WDFY3: variants seen among roughly 807,000 people sequenced by gnomAD.
The protein encoded by WDFY3 is WD repeat and FYVE domain-containing protein 3.
A neutral mutation model predicts 409.6 loss-of-function variants in WDFY3; 66 were observed. The ratio of observed to expected loss-of-function variants is 0.16; its 90% CI spans 0.13 to 0.20. The LOEUF (loss-of-function observed/expected upper bound fraction) is 0.20, where lower values mean the gene tolerates loss of function less well. Among genes scored for constraint, WDFY3 ranks in the 10% least tolerant of loss-of-function variants. WDFY3 has a pLI of 1.00. For missense variants in WDFY3, 3,031 were observed against 4,298.1 expected (o/e 0.71, Z 8.24); for synonymous variants, 1,521 against 1,537.1 (o/e 0.99, Z 0.25).
At chr4:84,738,939 T>A in intron 40 of WDFY3, 71 bp downstream of exon 40, 1 of 1,525,948 alleles carries the variant, frequency 6.6e-7, no homozygotes, top group African/African-American at 1.4e-5. Context: ...GAAGCCAATT[T>A]GTTGGTTATG....
At chr4:84,849,195 T>C (rs1430668355) in intron 5 of WDFY3, among the ~76,000 whole-genome samples, 1 of 152,034 alleles carries the variant, frequency 6.6e-6, no homozygotes, top group African/African-American at 2.4e-5. Flanking sequence ...TGAATAGTGA[T>C]GTTAAAATGG....
chr4:84,964,323 G>A (rs1250216302), intron 1 of WDFY3, among the ~76,000 whole-genome samples: 2 of 152,126 alleles, frequency 1.3e-5, no homozygotes, highest in East Asian at 3.9e-4. Flanking sequence ...AGAAAAATTA[G>A]ACAGGCATGG....
rs745763396 is a variant in WDFY3, at chr4:84,810,251, T to C, written c.1981A>G (p.Met661Val). 1.9e-6 allele frequency: 3 copies of C among 1,614,066 alleles called. No individual in the cohort carries two copies. The highest frequency in any genetic ancestry group is 2.5e-6 in the Non-Finnish European group (3 of 1,179,982). Reference sequence around the variant, plus strand: ...GGTGGACAGCTCAAAGATCTTTCCATAGCAACGAGCAAGGATGTAATGTAC... The same window carrying C: ...GGTGGACAGCTCAAAGATCTTTCCACAGCAACGAGCAAGGATGTAATGTAC... ...FVYITSLLVA[M>V]ERSLSCPPKN... Residue 661 changes from methionine to valine, a missense_variant, in exon 14 of 68, where the codon ATG becomes GTG. Physicochemically the swap from Met to Val is conservative, Grantham distance 21. Around this residue, in one of 16 missense-constraint regions of WDFY3, gnomAD observed 1,322 missense variants for 1,697.9 expected, o/e 0.78. Transcript: ENST00000295888.
chr4:84,835,947 T>C (rs1421765676), intron 7 of WDFY3, among the ~76,000 whole-genome samples: 1 of 152,196 alleles, frequency 6.6e-6, no homozygotes, highest in Non-Finnish European at 1.5e-5. Context: ...ATTTTACAGG[T>C]GCGAAATCTG....
intron 3 of WDFY3, among the ~76,000 whole-genome samples, chr4:84,890,171 C>A (rs1405604970): frequency 1.3e-5 from 2 of 152,124 alleles, no homozygotes; most frequent in African/African-American, 4.8e-5. Context: ...ACGACCATGG[C>A]TCACTTCATC....
At chr4:84,826,666 C>T (rs1247511144) in intron 10 of WDFY3, 149 bp downstream of exon 10, 2 of 639,024 alleles carry the variant, frequency 3.1e-6, no homozygotes, top group Non-Finnish European at 4.5e-6. Context: ...TTAAGAAATA[C>T]TTAAACCATT....
chr4:84,913,014 G>A (rs1005769646), intron 2 of WDFY3, among the ~76,000 whole-genome samples: 10 of 152,092 alleles, frequency 6.6e-5, no homozygotes, highest in East Asian at 1.9e-4. Flanking sequence ...ATACTTTGTC[G>A]CTGAAGTTAG....
At chr4:84,797,700 C>G (rs1157833184) in intron 18 of WDFY3, among the ~76,000 whole-genome samples, 4 of 151,950 alleles carry the variant, frequency 2.6e-5, no homozygotes, top group African/African-American at 4.8e-5. Context: ...CCTGCCTCAG[C>G]CTCCCGAGTA....
intron 3 of WDFY3, among the ~76,000 whole-genome samples, chr4:84,876,684 T>C (rs1476469665): frequency 1.3e-5 from 2 of 151,760 alleles, no homozygotes; most frequent in African/African-American, 2.4e-5. Flanking sequence ...ATAATAAATG[T>C]TAAAAAAAAA....
Position 84,821,330 on chromosome 4 carries a change from C to G in WDFY3, c.1345G>C (p.Glu449Gln). 6.2e-7 allele frequency: 1 copy of G among 1,613,808 alleles called. No individual in the cohort carries two copies. ...EVQNKYFEML[E>Q]FVVFSLNYIP... ...TAATTTAAGCTAAAAACAACAAACTCCAGCATCTCAAAGTATTTGTTTTGT... is the reference window on the plus strand; with the variant it reads ...TAATTTAAGCTAAAAACAACAAACTGCAGCATCTCAAAGTATTTGTTTTGT... Residue 449 changes from glutamate (E) to glutamine (Q), a missense_variant, in exon 11 of 68, where the codon GAG becomes CAG. Around this residue, in one of 16 missense-constraint regions of WDFY3, gnomAD observed 1,322 missense variants for 1,697.9 expected, o/e 0.78. Coordinates refer to ENST00000295888, the MANE Select transcript of WDFY3 (RefSeq NM_014991.6).
chr4:84,767,624 A>T (rs1031910882), intron 30 of WDFY3, among the ~76,000 whole-genome samples: 3 of 129,424 alleles, frequency 2.3e-5, no homozygotes, highest in Admixed American at 7.3e-5. Flanking sequence ...ACGCAATGAT[A>T]AAAAAAAAAA....
chr4:84,780,573 A>G (rs1746316391), intron 25 of WDFY3, among the ~76,000 whole-genome samples: 1 of 152,096 alleles, frequency 6.6e-6, no homozygotes, highest in South Asian at 2.1e-4. Flanking sequence ...TCTGACCAAC[A>G]TGGTGAAACC....
At chr4:84,784,488 T>A (rs1433617861) in intron 24 of WDFY3, among the ~76,000 whole-genome samples, 2 of 152,106 alleles carry the variant, frequency 1.3e-5, no homozygotes, top group Non-Finnish European at 2.9e-5. Flanking sequence ...CTTAACTCTC[T>A]CACCTTCCAC....
Position 84,679,162 on chromosome 4 carries a change from T to C in WDFY3, c.9904A>G (p.Ser3302Gly). Residue 3302 changes from serine to glycine, a missense_variant, in exon 65 of 68, where the codon AGC becomes GGC. Transcript: ENST00000295888. ...SISQDPKDTP[S>G]QPSSTSHRPR... is the part of the protein sequence containing the mutation. ...CTGTGGCTGGTGCTGCTGGGTTGGC[T>C]TGGAGTGTCCTTAGGGTCCTGGCTG... 6.2e-7 allele frequency: 1 copy of C among 1,613,454 alleles called. No individual in the cohort carries two copies. Among genetic ancestry groups the C allele is most frequent in the Non-Finnish European group, 8.5e-7 (1 of 1,179,676 alleles).
Position 84,772,904 on chromosome 4 carries a change from A to G in WDFY3, c.4780T>C (p.Leu1594=). 1.2e-6 allele frequency: 2 copies of G among 1,607,494 alleles called. No homozygotes were observed. Among genetic ancestry groups the G allele is most frequent in the Non-Finnish European group, 1.7e-6 (2 of 1,177,744 alleles). The change falls in exon 30 of 68, where the codon TTG becomes CTG. Residue 1594 remains leucine (L), a synonymous_variant. Transcript: ENST00000295888. ...TTCTCACAAACCGCAAAGGTTGGCA[A>G]AGTAGAAGAAATAAACTGCCCAAAT... The part of the protein sequence containing the change: ...LRFGQFISST[L]PTFAVCEKFV...
intron 5 of WDFY3, among the ~76,000 whole-genome samples, chr4:84,847,144 C>T (rs1758176859): frequency 6.6e-6 from 1 of 151,892 alleles, no homozygotes; most frequent in South Asian, 2.1e-4. Context: ...CAAACCTTTC[C>T]CCTACTTTGC....
intron 35 of WDFY3, among the ~76,000 whole-genome samples, chr4:84,752,505 G>A (rs1037839921): frequency 2.7e-5 from 4 of 150,200 alleles, no homozygotes; most frequent in Non-Finnish European, 4.4e-5. Context: ...ACTCCAGCCG[G>A]GATGACAAGA....
chr4:84,907,946 G>GAGA (rs1767265085), intron 2 of WDFY3, among the ~76,000 whole-genome samples: 1 of 152,136 alleles, frequency 6.6e-6, no homozygotes, highest in East Asian at 1.9e-4. Context: ...GGAGGAGGAG[G>GAGA]AGAAGCTGTT....
chr4:84,891,733 G>C (rs958393764), intron 3 of WDFY3, among the ~76,000 whole-genome samples: 1 of 152,086 alleles, frequency 6.6e-6, no homozygotes, highest in Admixed American at 6.5e-5. Context: ...AATGAAAAAG[G>C]AGAAAACAGG....
Sources: gnomAD v4.1 joint callset for allele counts (sites outside exome capture counted in the v4.1 genomes callset) on GRCh38, gnomAD v4.1.1 for gene constraint, gnomAD v4.1.1 regional missense constraint, MANE v1.5 for transcripts, NCBI Gene and HGNC (gene_info 2026-07-23, HGNC 2026-07-21) for gene names.